POLA1: variants seen among roughly 807,000 people sequenced by gnomAD.
POLA1 encodes DNA polymerase alpha catalytic subunit.
In POLA1, 15 loss-of-function variants were observed where a neutral mutation model predicts 124.0. That is an observed-to-expected ratio of 0.12 (90% CI 0.08 to 0.19). The LOEUF (loss-of-function observed/expected upper bound fraction) is 0.19, where lower values mean the gene tolerates loss of function less well. POLA1 is among the 10% of genes least tolerant of loss of function. The pLI is 1.00. For missense variants in POLA1, 886 were observed against 1,103.4 expected (o/e 0.80, Z 2.79); for synonymous variants, 408 against 389.4 (o/e 1.05, Z -0.56).
chrX:24,716,755 A>G (rs1252287664), intron 7 of POLA1, 129 bp from the exon 8 acceptor site: 1 of 438,484 alleles, frequency 2.3e-6, no homozygotes, highest in Non-Finnish European at 3.9e-6. Context: ...AAATAATTGA[A>G]GCTGTTACAT....
intron 26 of POLA1, among the ~76,000 whole-genome samples, chrX:24,764,793 G>A (rs1263217236): frequency 2.7e-5 from 3 of 110,847 alleles, no homozygotes; most frequent in African/African-American, 9.9e-5. Context: ...CAAAATATTC[G>A]GATTAATCCA....
At chrX:24,952,490 A>G (rs1050736819) in intron 36 of POLA1, among the ~76,000 whole-genome samples, 1 of 111,888 alleles carries the variant, frequency 8.9e-6, no homozygotes, top group African/African-American at 3.2e-5. Context: ...TTACTGCCCA[A>G]TAAATAAGCC....
At chrX:24,732,576 TAA>T (rs1171656294) in intron 16 of POLA1, 122 bp downstream of exon 16, 1 of 348,138 alleles carries the variant, frequency 2.9e-6, no homozygotes, top group Non-Finnish European at 4.9e-6. Context: ...TGCATATTGT[TAA>T]AGAGGGTTTT....
chrX:24,705,965 G>C (rs759210164), intron 4 of POLA1, among the ~76,000 whole-genome samples: 1 of 112,041 alleles, frequency 8.9e-6, no homozygotes, highest in Admixed American at 9.4e-5. Flanking sequence ...TTGATCTTTT[G>C]GTTAAGATGA....
intron 3 of POLA1, among the ~76,000 whole-genome samples, chrX:24,703,988 C>G (rs1223222627): frequency 8.9e-6 from 1 of 111,970 alleles, no homozygotes; most frequent in African/African-American, 3.2e-5. Context: ...ATTTATGTTT[C>G]TACTTGTGTA....
At chrX:24,935,205 C>T (rs2047833435) in intron 36 of POLA1, among the ~76,000 whole-genome samples, 1 of 112,329 alleles carries the variant, frequency 8.9e-6, no homozygotes, top group Admixed American at 9.4e-5. Flanking sequence ...GATACAGTCT[C>T]ATTCTAAGGT....
intron 36 of POLA1, among the ~76,000 whole-genome samples, chrX:24,942,975 G>A (rs901370050): frequency 3.6e-5 from 4 of 112,392 alleles, no homozygotes; most frequent in Non-Finnish European, 7.5e-5. Context: ...GGGATTACAG[G>A]CGTGAGCCAC....
At chrX:24,896,883 G>C (rs192676474) in intron 35 of POLA1, among the ~76,000 whole-genome samples, 1 of 112,186 alleles carries the variant, frequency 8.9e-6, no homozygotes, top group South Asian at 3.7e-4. Context: ...TGCTAGATTC[G>C]TAAGACGAGA....
At chrX:24,694,158 T>G (rs41561412) in intron 1 of POLA1, among the ~76,000 whole-genome samples, 154 bp downstream of exon 1, 53 of 112,925 alleles carry the variant, frequency 4.7e-4, no homozygotes, top group Non-Finnish European at 2.6e-4. Context: ...CCGGGCTTCC[T>G]TTAGGCGCGG....
chrX:24,982,954 T>C (rs976445736), intron 36 of POLA1, among the ~76,000 whole-genome samples: 2 of 112,338 alleles, frequency 1.8e-5, no homozygotes, highest in Non-Finnish European at 3.7e-5. Flanking sequence ...ATTTTAAAAA[T>C]TATATAAATA....
chrX:24,717,097 T>G (rs1929891550), intron 8 of POLA1, 126 bp downstream of exon 8: 1 of 556,674 alleles, frequency 1.8e-6, no homozygotes, highest in African/African-American at 2.3e-5. Flanking sequence ...ATGTGAAGAT[T>G]TGAATTCATA....
intron 36 of POLA1, among the ~76,000 whole-genome samples, chrX:24,947,686 C>T (rs183638339): frequency 3.6e-5 from 4 of 111,894 alleles, no homozygotes; most frequent in Middle Eastern, 4.6e-3. Context: ...AGAAAGCTCT[C>T]GTGAAGGTGG....
intron 17 of POLA1, among the ~76,000 whole-genome samples, chrX:24,734,725 C>T (rs756754110): frequency 1.8e-5 from 2 of 111,347 alleles, no homozygotes; most frequent in South Asian, 3.8e-4. Context: ...AAGGGATTCT[C>T]GTGCCTCAGC....
At chrX:24,748,779 C>T in intron 25 of POLA1, 91 bp from the exon 26 acceptor site, 1 of 937,171 alleles carries the variant, frequency 1.1e-6, no homozygotes, top group East Asian at 3.1e-5. Context: ...TGAGGGTTTC[C>T]CTTTTTATTG....
intron 36 of POLA1, among the ~76,000 whole-genome samples, chrX:24,976,202 A>T (rs1229771052): frequency 8.9e-6 from 1 of 112,341 alleles, no homozygotes; most frequent in African/African-American, 3.2e-5. Flanking sequence ...AAACCTTCAG[A>T]AGCCTTACTC....
At chrX:24,993,203 C>G (rs761881529) in intron 36 of POLA1, among the ~76,000 whole-genome samples, 2 of 112,294 alleles carry the variant, frequency 1.8e-5, no homozygotes, top group East Asian at 5.6e-4. Flanking sequence ...ATACTTCAAG[C>G]CATTAGAGTA....
chrX:24,935,645 T>G (rs1282589906), intron 36 of POLA1, among the ~76,000 whole-genome samples: 1 of 112,810 alleles, frequency 8.9e-6, no homozygotes, highest in Non-Finnish European at 1.9e-5. Flanking sequence ...TTTCTTTTTT[T>G]TTCCTTAAAC....
At chrX:24,921,950 C>T (rs1305594385) in intron 35 of POLA1, among the ~76,000 whole-genome samples, 2 of 100,017 alleles carry the variant, frequency 2.0e-5, no homozygotes, top group African/African-American at 4.8e-5. Context: ...TTTATTTTAA[C>T]AAGATAATGT....
At chrX:24,919,086 A>G (rs1262044675) in intron 35 of POLA1, among the ~76,000 whole-genome samples, 3 of 111,878 alleles carry the variant, frequency 2.7e-5, no homozygotes, top group Non-Finnish European at 5.6e-5. Flanking sequence ...TTTAATTAAG[A>G]AGTAGAGCCA....
Sources: gnomAD v4.1 joint callset for allele counts (sites outside exome capture counted in the v4.1 genomes callset) on GRCh38, gnomAD v4.1.1 for gene constraint, MANE v1.5 for transcripts, NCBI Gene and HGNC (gene_info 2026-07-23, HGNC 2026-07-21) for gene names.